The following SMG5 variants were observed in gnomAD, a reference collection of about 807,000 sequenced individuals.
SMG5 encodes nonsense-mediated mRNA decay factor SMG5.
Under a neutral mutation model 122.9 loss-of-function variants are expected in SMG5, and 53 were observed. The ratio of observed to expected loss-of-function variants is 0.43; its 90% CI spans 0.35 to 0.54. The LOEUF (loss-of-function observed/expected upper bound fraction) is 0.54, where lower values mean the gene tolerates loss of function less well. SMG5 is among the 20% of genes least tolerant of loss of function. The pLI is 0.01. For missense variants in SMG5, 1,153 were observed against 1,285.6 expected (o/e 0.90, Z 1.58); for synonymous variants, 477 against 490.2 (o/e 0.97, Z 0.35).
In SMG5 at chr1:156,250,345, G is replaced by T. The variant is rs1661289345; in HGVS notation, c.*242C>A. On this transcript the variant is annotated 3_prime_UTR_variant, in exon 22 of 22. Transcript: ENST00000361813. ...AGCTGAGGCAGGAAGGCTGGCCAGG[G>T]GCCCACAAGACTCTCCTAATCCAAG... 3.9e-6 allele frequency: 2 copies of T among 514,694 alleles called. No homozygotes were observed. The highest frequency in any genetic ancestry group is 3.4e-5 in the Admixed American group (1 of 29,294). 31.9% of individuals were successfully genotyped at this position (514,694 alleles called of 1,614,324 possible). A position where few individuals can be genotyped will look rare whatever the true frequency, so the allele number is the denominator to read the frequency against.
chr1:156,258,962 C>G, intron 16 of SMG5, 43 bp downstream of exon 16: 11 of 1,609,604 alleles, frequency 6.8e-6, no homozygotes, highest in Non-Finnish European at 9.3e-6. Context: ...CTCAGTGAGC[C>G]CAATGGGAGC....
Position 156,266,707 on chromosome 1 carries a change from G to A in SMG5, c.1118-29C>T, listed in dbSNP as rs536098808. On this transcript the variant is annotated intron_variant, in intron 10 of 21. Coordinates refer to ENST00000361813, the MANE Select transcript of SMG5 (RefSeq NM_015327.3). ...AAGTCAGGAAAGCCAGGCATTAGGG[G>A]CCTAGGGCCCTGATGAGGAGTAGGC... 1,591 of 1,613,108 alleles carry A rather than the reference G, an allele frequency of 9.9e-4. 32 individuals carry two copies. In the South Asian group the frequency reaches 0.017, roughly 17 times the overall value.
At chr1:156,280,063 G>C (rs1247970479) in intron 1 of SMG5, among the ~76,000 whole-genome samples, 3 of 152,196 alleles carry the variant, frequency 2.0e-5, no homozygotes, top group Admixed American at 1.3e-4. Flanking sequence ...ATCACTCCAA[G>C]TGTTAGTCTC....
intron 17 of SMG5, 81 bp downstream of exon 17, chr1:156,253,368 C>A: frequency 7.1e-7 from 1 of 1,416,086 alleles, no homozygotes; most frequent in South Asian, 1.2e-5. Context: ...GGGACTACAG[C>A]GGAAGGGGGA....
chr1:156,289,290 C>T, the SMG5 span, among the ~76,000 whole-genome samples: 19 of 151,896 alleles, frequency 1.3e-4, no homozygotes, highest in Admixed American at 5.9e-4. Context: ...CTGGCTAACA[C>T]GGTAAAACCC....
upstream of SMG5, among the ~76,000 whole-genome samples, chr1:156,284,063 A>C (rs1017224369): frequency 1.3e-5 from 2 of 152,146 alleles, no homozygotes; most frequent in African/African-American, 4.8e-5. Context: ...TACTCCGAGC[A>C]CCCTTTGTTG....
intron 16 of SMG5, 31 bp downstream of exon 16, chr1:156,258,974 G>C (rs1333464601): frequency 6.2e-7 from 1 of 1,612,554 alleles, no homozygotes; most frequent in Middle Eastern, 1.7e-4. Context: ...AATGGGAGCA[G>C]AGCTGACGGG....
At chr1:156,264,145 G>A (rs529935336) in intron 12 of SMG5, among the ~76,000 whole-genome samples, 1 of 151,828 alleles carries the variant, frequency 6.6e-6, no homozygotes, top group East Asian at 1.9e-4. Context: ...GTGCATGCCT[G>A]TAATCTCAGC....
chr1:156,249,616 G>A lies in SMG5; in HGVS notation c.*971C>T. The A allele has an allele frequency of 5.0e-6, 2 of 398,214 alleles. No individual in the cohort carries two copies. Among genetic ancestry groups the A allele is most frequent in the Non-Finnish European group, 1.0e-5 (2 of 194,254 alleles). The allele number at this position is 398,214 out of a possible 1,614,324, so 24.7% of individuals were successfully genotyped here. Reference sequence around the variant, plus strand: ...CCTTCAGGTCTTCAGTCCTGCGGAAGGCAAAAGGAGGGACGGGGGCCTCTG... The same window carrying A: ...CCTTCAGGTCTTCAGTCCTGCGGAAAGCAAAAGGAGGGACGGGGGCCTCTG... On this transcript the variant is annotated 3_prime_UTR_variant, in exon 22 of 22. Transcript: ENST00000361813.
chr1:156,285,854 C>A, upstream of SMG5: 1 of 1,613,770 alleles, frequency 6.2e-7, no homozygotes, highest in Non-Finnish European at 8.5e-7. Context: ...CGCACTCATT[C>A]TCTTCCCTTG....
intron 12 of SMG5, 93 bp downstream of exon 12, chr1:156,265,688 G>A: frequency 6.6e-7 from 1 of 1,526,484 alleles, no homozygotes; most frequent in South Asian, 1.3e-5. Flanking sequence ...AGAGACGAGA[G>A]GTCATTCACA....
At chr1:156,277,376 T>C (rs552149787) in intron 3 of SMG5, 135 bp from the exon 4 acceptor site, 70 of 998,990 alleles carry the variant, frequency 7.0e-5, no homozygotes, top group Non-Finnish European at 9.7e-5. Flanking sequence ...ACTGTCATAC[T>C]CTTAGCTCTA....
In SMG5 at chr1:156,250,006, C is replaced by G; in HGVS notation, c.*581G>C. 1 of 451,924 alleles carries G rather than the reference C, an allele frequency of 2.2e-6. No individual in the cohort carries two copies. Among genetic ancestry groups the G allele is most frequent in the African/African-American group, 2.0e-5 (1 of 49,916 alleles). The allele number at this position is 451,924 out of a possible 1,614,324, so 28.0% of individuals were successfully genotyped here. On this transcript the variant is annotated 3_prime_UTR_variant, in exon 22 of 22. Coordinates refer to ENST00000361813, the MANE Select transcript of SMG5 (RefSeq NM_015327.3). ...CCCTGACCCTGCTACTCGGTGCAGG[C>G]CACTCCAGGCCTTGCTTCTCTAACA... is the stretch of plus-strand genomic sequence containing the variant.
At chr1:156,253,187 G>A in intron 17 of SMG5, 109 bp from the exon 18 acceptor site, 1 of 1,239,964 alleles carries the variant, frequency 8.1e-7, no homozygotes, top group Non-Finnish European at 1.1e-6. Context: ...TTGTTAAGGG[G>A]ATCAGAGGAC....
intron 13 of SMG5, 85 bp downstream of exon 13, chr1:156,263,310 G>T: frequency 6.9e-7 from 1 of 1,448,576 alleles, no homozygotes; most frequent in Non-Finnish European, 9.4e-7. Context: ...TTGGCCATCA[G>T]GGGGGATCCT....
chr1:156,253,929 AC>A (rs1177082014), intron 16 of SMG5, among the ~76,000 whole-genome samples: 1 of 152,040 alleles, frequency 6.6e-6, no homozygotes, highest in Admixed American at 6.6e-5. Flanking sequence ...CCCAGGCCTG[AC>A]CATCCTGAGC....
At chr1:156,265,479 G>A (rs1662083661) in intron 12 of SMG5, among the ~76,000 whole-genome samples, 1 of 152,192 alleles carries the variant, frequency 6.6e-6, no homozygotes, top group Admixed American at 6.5e-5. Flanking sequence ...GAGGGACTTG[G>A]GATGGCACAG....
chr1:156,267,799 C>T (rs1662224748), intron 9 of SMG5, 121 bp from the exon 10 acceptor site: 3 of 872,854 alleles, frequency 3.4e-6, no homozygotes, highest in Non-Finnish European at 1.8e-6. Context: ...TGAGAGCACA[C>T]CAGGGAAGGG....
Position 156,274,699 on chromosome 1 carries a change from G to C in SMG5, c.455-13C>G. ...GGCTTCTTGCATCCTATGAGACAAA[G>C]AGAAAGAGATTTGTAGGCCCATTCT... is the stretch of plus-strand genomic sequence containing the variant. On this transcript the variant is annotated splice_polypyrimidine_tract_variant and intron_variant, in intron 4 of 21. Transcript: ENST00000361813. 6.2e-7 allele frequency: 1 copy of C among 1,610,772 alleles called. No individual in the cohort carries two copies. Among genetic ancestry groups the C allele is most frequent in the Non-Finnish European group, 8.5e-7 (1 of 1,177,190 alleles).
Sources: gnomAD v4.1 joint callset for allele counts (sites outside exome capture counted in the v4.1 genomes callset) on GRCh38, gnomAD v4.1.1 for gene constraint, MANE v1.5 for transcripts, NCBI Gene and HGNC (gene_info 2026-07-23, HGNC 2026-07-21) for gene names.